ADGRL3: variants seen among roughly 807,000 people sequenced by gnomAD.
ADGRL3 encodes calcium-independent alpha-latrotoxin receptor 3.
ADGRL3 carries 62 observed loss-of-function variants against 153.5 expected under a neutral mutation model. The observed-to-expected ratio is 0.40, with a 90% CI of 0.33 to 0.50. The LOEUF is 0.50. ADGRL3 is among the 20% of genes least tolerant of loss of function. The probability of loss-of-function intolerance (pLI) is 0.47; values close to 1 mark genes in which losing one functional copy is unlikely to be tolerated. For missense variants in ADGRL3, 1,641 were observed against 1,859.4 expected (o/e 0.88, Z 2.16); for synonymous variants, 710 against 672.5 (o/e 1.06, Z -0.86).
In ADGRL3 at chr4:61,365,073, A is replaced by G. The variant is rs528829318; in HGVS notation, c.-239-18051A>G. On this transcript the variant is annotated intron_variant, in intron 1 of 26. Transcript: ENST00000683033. The stretch of plus-strand genomic sequence containing the variant: ...GAGAAGGGAATGGAAGATAAGTATT[A>G]TAAGTTAATATCATTATGCCCAAGT... 3.3e-5 allele frequency among the ~76,000 whole-genome samples: 5 copies of G among 152,340 alleles called. No individual in the cohort carries two copies. In the South Asian group the frequency reaches 1.0e-3, roughly 32 times the overall value.
intron 1 of ADGRL3, among the ~76,000 whole-genome samples, chr4:61,332,301 C>T (rs923927231): frequency 1.3e-5 from 2 of 152,066 alleles, no homozygotes; most frequent in African/African-American, 4.8e-5. Context: ...TAAGAAATCA[C>T]TGACAAATTG....
At chr4:61,954,431 G>A (rs976846681) in intron 17 of ADGRL3, among the ~76,000 whole-genome samples, 1 of 151,856 alleles carries the variant, frequency 6.6e-6, no homozygotes, top group Non-Finnish European at 1.5e-5. Context: ...CAACATAGTT[G>A]CCAGAGGGAT....
intron 8 of ADGRL3, chr4:61,775,584 C>A: frequency 3.1e-6 from 3 of 972,708 alleles, no homozygotes; most frequent in Non-Finnish European, 4.9e-6. Flanking sequence ...AGAGGCCTAC[C>A]CTTTCCCCTA....
chr4:61,833,958 C>CTTTTTTTTTTTTT, intron 9 of ADGRL3, among the ~76,000 whole-genome samples: 2 of 123,462 alleles, frequency 1.6e-5, no homozygotes, highest in Non-Finnish European at 3.5e-5. Context: ...AAGGCAGCTT[C>CTTTTTTTTTTTTT]TTTTTTTTTT....
At chr4:61,896,219 A>G (rs1003020188) in intron 11 of ADGRL3, among the ~76,000 whole-genome samples, 2 of 152,144 alleles carry the variant, frequency 1.3e-5, no homozygotes, top group African/African-American at 4.8e-5. Flanking sequence ...CCATCTGATA[A>G]ATGTTCTGTA....
At chr4:61,487,297 G>A (rs1040983128) in intron 2 of ADGRL3, among the ~76,000 whole-genome samples, 2 of 152,032 alleles carry the variant, frequency 1.3e-5, no homozygotes, top group African/African-American at 2.4e-5. Context: ...TCCATCCCTC[G>A]ATTTCCTCAT....
intron 9 of ADGRL3, among the ~76,000 whole-genome samples, chr4:61,838,346 A>G (rs2097969126): frequency 6.6e-6 from 1 of 152,188 alleles, no homozygotes. Context: ...ATTACTGGGC[A>G]CAGTATTAAC....
At chr4:61,402,975 G>C (rs915087741) in intron 2 of ADGRL3, among the ~76,000 whole-genome samples, 1 of 151,926 alleles carries the variant, frequency 6.6e-6, no homozygotes, top group African/African-American at 2.4e-5. Flanking sequence ...CCCATTTCAA[G>C]GTGCCAGTTT....
chr4:61,315,656 G>T (rs1421806047), intron 1 of ADGRL3, among the ~76,000 whole-genome samples: 4 of 152,142 alleles, frequency 2.6e-5, no homozygotes, highest in African/African-American at 9.7e-5. Flanking sequence ...CCAACTCCTG[G>T]AAACCATGAA....
At chr4:61,591,203 G>A (rs1236132312) in intron 5 of ADGRL3, among the ~76,000 whole-genome samples, 4 of 151,944 alleles carry the variant, frequency 2.6e-5, no homozygotes, top group African/African-American at 4.8e-5. Flanking sequence ...CTTTTTGTCC[G>A]GCTTCTCTCA....
chr4:61,504,463 G>A (rs1011647433), intron 3 of ADGRL3, among the ~76,000 whole-genome samples: 1 of 152,048 alleles, frequency 6.6e-6, no homozygotes, highest in African/African-American at 2.4e-5. Flanking sequence ...AGGGTAATTA[G>A]GGTGTCTGTC....
intron 4 of ADGRL3, among the ~76,000 whole-genome samples, chr4:61,517,995 A>T (rs1285032789): frequency 6.6e-6 from 1 of 152,204 alleles, no homozygotes; most frequent in Non-Finnish European, 1.5e-5. Flanking sequence ...TAAAAAAGTT[A>T]TAGTTACTGA....
intron 17 of ADGRL3, among the ~76,000 whole-genome samples, chr4:61,971,015 G>A (rs2099025116): frequency 2.0e-5 from 3 of 151,966 alleles, no homozygotes; most frequent in African/African-American, 7.2e-5. Flanking sequence ...AATGTTTTAT[G>A]CTCATGGATA....
intron 6 of ADGRL3, among the ~76,000 whole-genome samples, chr4:61,721,823 A>T (rs1029080822): frequency 6.6e-6 from 1 of 152,196 alleles, no homozygotes; most frequent in South Asian, 2.1e-4. Flanking sequence ...TAAAAGGTAA[A>T]TCAGAAGCTT....
chr4:61,861,098 A>G (rs1303013618), intron 9 of ADGRL3, among the ~76,000 whole-genome samples: 4 of 152,176 alleles, frequency 2.6e-5, no homozygotes, highest in Non-Finnish European at 5.9e-5. Context: ...CAGCAGAGCA[A>G]TTGTGTCCAC....
chr4:61,475,501 A>G (rs888383429), intron 2 of ADGRL3, among the ~76,000 whole-genome samples: 3 of 152,176 alleles, frequency 2.0e-5, no homozygotes, highest in African/African-American at 7.2e-5. Context: ...GATATCTTCT[A>G]TGAAGGTGCA....
At chr4:61,523,772 C>A (rs1186502672) in intron 4 of ADGRL3, among the ~76,000 whole-genome samples, 1 of 151,946 alleles carries the variant, frequency 6.6e-6, no homozygotes, top group Non-Finnish European at 1.5e-5. Flanking sequence ...CAAGTATTTC[C>A]AGAATAGTAT....
intron 1 of ADGRL3, among the ~76,000 whole-genome samples, chr4:61,275,339 C>G (rs1390404785): frequency 6.6e-6 from 1 of 152,146 alleles, no homozygotes; most frequent in African/African-American, 2.4e-5. Flanking sequence ...TGATAAAACA[C>G]TTTCTTCAGT....
chr4:61,429,872 C>G (rs180803002), intron 2 of ADGRL3, among the ~76,000 whole-genome samples: 3 of 152,144 alleles, frequency 2.0e-5, no homozygotes, highest in Non-Finnish European at 4.4e-5. Flanking sequence ...AATTTATTTA[C>G]CACACAGATG....
Sources: allele counts gnomAD v4.1 joint callset (sites outside exome capture counted in the v4.1 genomes callset), GRCh38; gene constraint gnomAD v4.1.1; transcripts MANE v1.5; gene names NCBI Gene and HGNC (gene_info 2026-07-23, HGNC 2026-07-21).